SOX5: variants seen among roughly 807,000 people sequenced by gnomAD.
SOX5 encodes SRY-box transcription factor 5, also known as transcription factor SOX-5.
Under a neutral mutation model 92.0 loss-of-function variants are expected in SOX5, and 9 were observed. The observed-to-expected ratio is 0.10, with a 90% confidence interval of 0.06 to 0.17. SOX5 has a LOEUF of 0.17. Among genes scored for constraint, SOX5 ranks in the 10% least tolerant of loss-of-function variants. SOX5 has a pLI of 1.00. For synonymous variants in SOX5, 344 were observed against 336.3 expected (o/e 1.02, Z -0.25); for missense variants, 642 against 944.5 (o/e 0.68, Z 4.20).
At chr12:24,158,530 G>A (rs1331606367) in intron 4 of SOX5, among the ~76,000 whole-genome samples, 4 of 152,018 alleles carry the variant, frequency 2.6e-5, no homozygotes, top group South Asian at 2.1e-4. Context: ...GCCATTAAAC[G>A]TAGCTTTGAG....
intron 1 of SOX5, among the ~76,000 whole-genome samples, chr12:24,429,133 C>T (rs1032355006): frequency 5.3e-5 from 8 of 151,798 alleles, no homozygotes; most frequent in Admixed American, 2.0e-4. Context: ...CTGGCTAACA[C>T]GGTGAAACCC....
At chr12:24,512,115 A>T (rs1221703311) in intron 1 of SOX5, among the ~76,000 whole-genome samples, 2 of 152,326 alleles carry the variant, frequency 1.3e-5, no homozygotes, top group Non-Finnish European at 1.5e-5. Flanking sequence ...ATAAGAAAAA[A>T]ATCTTAAATT....
chr12:24,130,508 A>G (rs1053518943), intron 4 of SOX5, among the ~76,000 whole-genome samples: 2 of 152,214 alleles, frequency 1.3e-5, no homozygotes, highest in Non-Finnish European at 2.9e-5. Context: ...TAACTTATTC[A>G]TATATAGATA....
At position 24,549,578 on chromosome 12, in the gene SOX5, A is replaced by G. The variant is rs185378614; in HGVS notation, c.-251+12751T>C. The stretch of plus-strand genomic sequence containing the variant: ...TCAGAAGTGGCTTTTGTGCACTGGC[A>G]TGGCTTCTGTATGAGCATTCTGAGA... On this transcript the variant is annotated intron_variant, in intron 1 of 4. Coordinates refer to the SOX5 transcript ENST00000446891. Among the ~76,000 whole-genome samples, 222 of 152,334 alleles carry G rather than the reference A, an allele frequency of 1.5e-3. 2 individuals are homozygous for G. The highest frequency in any genetic ancestry group is 4.2e-3 in the African/African-American group (173 of 41,580).
chr12:23,922,658 C>T (rs1938654512), intron 1 of SOX5, among the ~76,000 whole-genome samples: 1 of 152,150 alleles, frequency 6.6e-6, no homozygotes, highest in African/African-American at 2.4e-5. Flanking sequence ...TTATATGTAA[C>T]ATGTGTCATA....
chr12:23,987,988 G>T (rs562390229), intron 4 of SOX5, among the ~76,000 whole-genome samples: 3 of 152,294 alleles, frequency 2.0e-5, no homozygotes, highest in African/African-American at 7.2e-5. Flanking sequence ...AGTAATCCAA[G>T]TGAGAGATGA....
chr12:23,620,409 T>C (rs1165225725), intron 8 of SOX5, among the ~76,000 whole-genome samples: 1 of 152,114 alleles, frequency 6.6e-6, no homozygotes, highest in Non-Finnish European at 1.5e-5. Context: ...TGAAGTAATA[T>C]CTACCTAATC....
intron 3 of SOX5, among the ~76,000 whole-genome samples, chr12:23,816,298 C>T (rs2142558406): frequency 6.6e-6 from 1 of 151,760 alleles, no homozygotes; most frequent in South Asian, 2.1e-4. Context: ...CAACCTCCAC[C>T]TCCAGGGTTC....
intron 4 of SOX5, among the ~76,000 whole-genome samples, chr12:24,093,634 G>C (rs1325447208): frequency 6.7e-6 from 1 of 149,754 alleles, no homozygotes; most frequent in Non-Finnish European, 1.5e-5. Context: ...ATTAATACTT[G>C]TCATCCTAGT....
intron 6 of SOX5, among the ~76,000 whole-genome samples, chr12:23,673,245 A>C (rs1268158176): frequency 1.3e-5 from 2 of 152,166 alleles, no homozygotes; most frequent in Admixed American, 6.5e-5. Context: ...TTATTATTCT[A>C]ATATATAGCT....
intron 8 of SOX5, among the ~76,000 whole-genome samples, chr12:23,629,309 C>T (rs1378579977): frequency 1.3e-5 from 2 of 152,056 alleles, no homozygotes; most frequent in East Asian, 1.9e-4. Context: ...TCCTTTTAAA[C>T]GAAACAACTT....
chr12:23,747,703 C>T (rs1202344749), intron 4 of SOX5, among the ~76,000 whole-genome samples: 2 of 152,080 alleles, frequency 1.3e-5, no homozygotes, highest in Non-Finnish European at 2.9e-5. Context: ...AGTGGTCTTG[C>T]CTCCATCTTC....
intron 2 of SOX5, among the ~76,000 whole-genome samples, chr12:23,856,106 C>A (rs910359343): frequency 3.9e-5 from 6 of 152,114 alleles, no homozygotes; most frequent in African/African-American, 1.4e-4. Flanking sequence ...AATTTCCCAA[C>A]TAGCCAAATT....
At chr12:24,199,077 G>A (rs2139514512) in intron 4 of SOX5, among the ~76,000 whole-genome samples, 1 of 152,178 alleles carries the variant, frequency 6.6e-6, no homozygotes, top group East Asian at 1.9e-4. Flanking sequence ...AGTTAGTCGA[G>A]GGAGAGCACT....
At chr12:24,077,154 G>C (rs1942726433) in intron 4 of SOX5, among the ~76,000 whole-genome samples, 1 of 152,134 alleles carries the variant, frequency 6.6e-6, no homozygotes, top group South Asian at 2.1e-4. Flanking sequence ...CCAACAATCT[G>C]TATCAATCAT....
intron 1 of SOX5, among the ~76,000 whole-genome samples, chr12:24,513,374 C>T (rs938808339): frequency 6.6e-6 from 1 of 152,234 alleles, no homozygotes; most frequent in African/African-American, 2.4e-5. Flanking sequence ...TTCCTTCTAA[C>T]AAATGAAACC....
chr12:24,132,472 T>C (rs1447145404), intron 4 of SOX5, among the ~76,000 whole-genome samples: 2 of 152,158 alleles, frequency 1.3e-5, no homozygotes, highest in Non-Finnish European at 2.9e-5. Context: ...TATTAGTTAT[T>C]ACAGGACTAA....
At chr12:24,217,692 G>A (rs1959334500) in intron 3 of SOX5, among the ~76,000 whole-genome samples, 1 of 152,276 alleles carries the variant, frequency 6.6e-6, no homozygotes, top group African/African-American at 2.4e-5. Flanking sequence ...ACTATCGAGA[G>A]AGTGAAAAGA....
Position 24,545,022 on chromosome 12 carries a change from T to C in SOX5, c.-251+17307A>G, listed in dbSNP as rs567344286. Among the ~76,000 whole-genome samples, 3 of 152,314 alleles carry C rather than the reference T, an allele frequency of 2.0e-5. No individual in the cohort carries two copies. The South Asian group carries it at 6.2e-4, about 32-fold the overall frequency. ...GAGTAATATATTTTTTATTGACGGT[T>C]TATATACATGATCAGAAAAATTAGG... On this transcript the variant is annotated intron_variant, in intron 1 of 4. Coordinates refer to the SOX5 transcript ENST00000446891.
Sources: gnomAD v4.1 joint callset for allele counts (sites outside exome capture counted in the v4.1 genomes callset) on GRCh38, gnomAD v4.1.1 for gene constraint, MANE v1.5 for transcripts, NCBI Gene and HGNC (gene_info 2026-07-23, HGNC 2026-07-21) for gene names.